The following ENTREP2 variants were observed in gnomAD, a reference collection of about 807,000 sequenced individuals.
The protein encoded by ENTREP2 is protein ENTREP2.
At chr15:29,321,228 G>T in the ENTREP2 span, among the ~76,000 whole-genome samples, 1 of 152,046 alleles carries the variant, frequency 6.6e-6, no homozygotes, top group Non-Finnish European at 1.5e-5. Context: ...TACCATAGAT[G>T]AACAAATATA....
chr15:29,582,830 T>G, the ENTREP2 span, among the ~76,000 whole-genome samples: 1 of 152,072 alleles, frequency 6.6e-6, no homozygotes, highest in Non-Finnish European at 1.5e-5. Flanking sequence ...TTTTGTATTT[T>G]TAGTAGAGAT....
At chr15:29,367,000 T>C in the ENTREP2 span, among the ~76,000 whole-genome samples, 54 of 152,054 alleles carry the variant, frequency 3.6e-4, no homozygotes, top group South Asian at 4.1e-4. Flanking sequence ...TCAGAAAAAG[T>C]GGCAAAGACC....
At chr15:29,405,847 T>C in the ENTREP2 span, among the ~76,000 whole-genome samples, 1 of 152,248 alleles carries the variant, frequency 6.6e-6, no homozygotes, top group Non-Finnish European at 1.5e-5. Flanking sequence ...CCTGACCAGC[T>C]TCACAGCCCC....
the ENTREP2 span, among the ~76,000 whole-genome samples, chr15:29,406,458 G>T: frequency 6.6e-6 from 1 of 152,040 alleles, no homozygotes; most frequent in Admixed American, 6.6e-5. Context: ...TGAGGTAAGA[G>T]AATCACTTGA....
the ENTREP2 span, among the ~76,000 whole-genome samples, chr15:29,257,394 G>A: frequency 6.6e-6 from 1 of 152,128 alleles, no homozygotes; most frequent in Non-Finnish European, 1.5e-5. Flanking sequence ...TATTAAGCCA[G>A]ATCCCTACTG....
chr15:29,484,464 C>A, the ENTREP2 span, among the ~76,000 whole-genome samples: 1 of 152,228 alleles, frequency 6.6e-6, no homozygotes, highest in East Asian at 1.9e-4. Flanking sequence ...GTGTCAGATC[C>A]CAAACTGTCA....
chr15:29,437,816 C>T, the ENTREP2 span, among the ~76,000 whole-genome samples: 1 of 152,172 alleles, frequency 6.6e-6, no homozygotes, highest in African/African-American at 2.4e-5. Flanking sequence ...TGGTGTCCTC[C>T]TGAATGGCAG....
chr15:29,299,606 C>T, the ENTREP2 span, among the ~76,000 whole-genome samples: 6 of 152,248 alleles, frequency 3.9e-5, no homozygotes, highest in East Asian at 9.6e-4. Context: ...TCTGGCCTCC[C>T]TATGAAAAAT....
chr15:29,559,518 G>T, the ENTREP2 span, among the ~76,000 whole-genome samples: 2 of 152,134 alleles, frequency 1.3e-5, no homozygotes, highest in Non-Finnish European at 2.9e-5. Flanking sequence ...GGTCAGAGGT[G>T]CAAATCAGTC....
the ENTREP2 span, among the ~76,000 whole-genome samples, chr15:29,176,512 G>C: frequency 6.6e-6 from 1 of 152,196 alleles, no homozygotes; most frequent in Admixed American, 6.5e-5. Context: ...GAGCAGAGAA[G>C]CATCCCTCCT....
the ENTREP2 span, among the ~76,000 whole-genome samples, chr15:29,655,282 T>C: frequency 6.6e-6 from 1 of 152,152 alleles, no homozygotes; most frequent in African/African-American, 2.4e-5. Flanking sequence ...CCCTAATCTA[T>C]GCACAAGGTA....
the ENTREP2 span, among the ~76,000 whole-genome samples, chr15:29,289,746 T>C: frequency 8.6e-5 from 13 of 152,028 alleles, no homozygotes; most frequent in African/African-American, 2.7e-4. Context: ...CTCAGGAGGC[T>C]GAGGCAGGAG....
the ENTREP2 span, among the ~76,000 whole-genome samples, chr15:29,424,253 G>A: frequency 3.1e-4 from 47 of 152,024 alleles, no homozygotes; most frequent in African/African-American, 1.0e-3. Flanking sequence ...GGACCCCATG[G>A]GGCTCCCACC....
chr15:29,394,139 A>AT, the ENTREP2 span, among the ~76,000 whole-genome samples: 1 of 152,206 alleles, frequency 6.6e-6, no homozygotes, highest in East Asian at 1.9e-4. Context: ...AGGAAGGAAG[A>AT]TTTTTAGTAA....
the ENTREP2 span, among the ~76,000 whole-genome samples, chr15:29,594,772 G>A: frequency 1.1e-4 from 16 of 152,054 alleles, no homozygotes; most frequent in Non-Finnish European, 1.9e-4. Flanking sequence ...AGACAAGCAT[G>A]ACCAATGAGG....
chr15:29,530,902 T>C, the ENTREP2 span, among the ~76,000 whole-genome samples: 2 of 152,340 alleles, frequency 1.3e-5, no homozygotes, highest in Non-Finnish European at 2.9e-5. Flanking sequence ...ACACCTCCTG[T>C]AGCCTTTCCT....
chr15:29,542,971 T>A, the ENTREP2 span, among the ~76,000 whole-genome samples: 1 of 152,230 alleles, frequency 6.6e-6, no homozygotes, highest in Non-Finnish European at 1.5e-5. Flanking sequence ...GATCCATTCA[T>A]CCAAGGATGG....
chr15:29,640,518 C>G, the ENTREP2 span, among the ~76,000 whole-genome samples: 1 of 151,886 alleles, frequency 6.6e-6, no homozygotes, highest in African/African-American at 2.4e-5. Flanking sequence ...AAAAATTAGC[C>G]AGGTTCAGTG....
the ENTREP2 span, among the ~76,000 whole-genome samples, chr15:29,650,903 C>T: frequency 6.6e-6 from 1 of 152,116 alleles, no homozygotes; most frequent in Non-Finnish European, 1.5e-5. Flanking sequence ...GTAGTCCTAA[C>T]TACTTGGGAG....
Sources: allele counts gnomAD v4.1 joint callset (sites outside exome capture counted in the v4.1 genomes callset), GRCh38; gene constraint gnomAD v4.1.1; transcripts MANE v1.5; gene names NCBI Gene and HGNC (gene_info 2026-07-23, HGNC 2026-07-21).